Variants in NECTIN3 observed in about 807,000 individuals in gnomAD.
The protein encoded by NECTIN3 is nectin-3.
In NECTIN3, 8 loss-of-function variants were observed where a neutral mutation model predicts 49.4. That is an observed-to-expected ratio of 0.16 (90% CI 0.10 to 0.29). NECTIN3 has a LOEUF of 0.29. NECTIN3 is among the 10% of genes least tolerant of loss of function. NECTIN3 has a pLI of 1.00. For synonymous variants in NECTIN3, 277 were observed against 241.1 expected (o/e 1.15, Z -1.38); for missense variants, 581 against 654.6 (o/e 0.89, Z 1.23).
intron 1 of NECTIN3, among the ~76,000 whole-genome samples, chr3:111,083,557 C>T (rs1397410987): frequency 1.3e-5 from 2 of 152,162 alleles, no homozygotes; most frequent in Non-Finnish European, 2.9e-5. Flanking sequence ...AATGCTGGCA[C>T]CCTTGTCTCA....
At chr3:111,138,384 C>T (rs1248364968), downstream of NECTIN3, among the ~76,000 whole-genome samples, 1 of 151,468 alleles carries the variant, frequency 6.6e-6, no homozygotes, top group East Asian at 1.9e-4. Flanking sequence ...AGTAAACCAA[C>T]TTTCATCTGT....
At chr3:111,153,811 GT>G (rs892674353) in intron 7 of NECTIN3, among the ~76,000 whole-genome samples, 70 of 151,738 alleles carry the variant, frequency 4.6e-4, no homozygotes, top group African/African-American at 1.6e-3. Context: ...GTAGTGTTTA[GT>G]TTTTTTTCTT....
At chr3:111,169,247 G>A (rs958843754) in intron 7 of NECTIN3, among the ~76,000 whole-genome samples, 10 of 151,280 alleles carry the variant, frequency 6.6e-5, no homozygotes, top group African/African-American at 1.9e-4. Context: ...CTGCCACCAC[G>A]CCTGGCTAAT....
chr3:111,145,036 G>C, exon 6 of NECTIN3: 1 of 1,536,046 alleles, frequency 6.5e-7, no homozygotes, highest in Admixed American at 2.0e-5. Flanking sequence ...TCTTGACAAA[G>C]TGTAGGTAAC....
chr3:111,115,547 T>A (rs994607313), intron 2 of NECTIN3, among the ~76,000 whole-genome samples: 3 of 152,194 alleles, frequency 2.0e-5, no homozygotes, highest in Non-Finnish European at 4.4e-5. Flanking sequence ...TAGTCTGCAT[T>A]TTAGCAAGAT....
At chr3:111,142,270 A>G (rs1403351156), downstream of NECTIN3, among the ~76,000 whole-genome samples, 4 of 151,874 alleles carry the variant, frequency 2.6e-5, no homozygotes, top group Admixed American at 1.3e-4. Flanking sequence ...CATTTGACCT[A>G]CATAAAGTAG....
intron 7 of NECTIN3, among the ~76,000 whole-genome samples, chr3:111,174,178 C>A (rs2035482930): frequency 6.6e-6 from 1 of 152,152 alleles, no homozygotes; most frequent in South Asian, 2.1e-4. Flanking sequence ...TAACCTTTAC[C>A]TCTTCACAGC....
chr3:111,160,455 T>G (rs1388804369), intron 7 of NECTIN3, among the ~76,000 whole-genome samples: 2 of 152,200 alleles, frequency 1.3e-5, no homozygotes, highest in Admixed American at 1.3e-4. Context: ...ACCAAAGTGA[T>G]AAGACTCAAA....
upstream of NECTIN3, among the ~76,000 whole-genome samples, chr3:111,188,722 A>G (rs145947588): frequency 2.6e-4 from 40 of 152,338 alleles, no homozygotes; most frequent in East Asian, 7.7e-3. Flanking sequence ...TACTTATGAC[A>G]CTGCATTACT....
chr3:111,158,188 T>A (rs1315147202), intron 7 of NECTIN3, among the ~76,000 whole-genome samples: 3 of 152,098 alleles, frequency 2.0e-5, no homozygotes, highest in African/African-American at 4.8e-5. Context: ...TTGAATGATA[T>A]CTTTACAGTA....
In NECTIN3 at chr3:111,163,860, T is replaced by A. The variant is rs935961249; in HGVS notation, c.1221+16376T>A. ...TATTTGGAGAAAGAGGATTTCCTAA[T>A]TTTTATATATGGATAGATCAGATCT... On this transcript the variant is annotated intron_variant, in intron 7 of 8. Transcript: ENST00000493615. Among the ~76,000 whole-genome samples the A allele has an allele frequency of 3.3e-5, 5 of 152,066 alleles. No homozygotes were observed. The East Asian group carries it at 7.7e-4, about 23-fold the overall frequency.
At chr3:111,152,240 G>A (rs2035015041) in intron 7 of NECTIN3, among the ~76,000 whole-genome samples, 1 of 151,776 alleles carries the variant, frequency 6.6e-6, no homozygotes, top group Non-Finnish European at 1.5e-5. Context: ...ATAATCTGCA[G>A]GGTAAATTTT....
intron 3 of NECTIN3, among the ~76,000 whole-genome samples, chr3:111,120,556 TG>T (rs1333357683): frequency 6.6e-6 from 1 of 152,182 alleles, no homozygotes; most frequent in Non-Finnish European, 1.5e-5. Context: ...TGTTAATCTT[TG>T]TTTTTTTTTA....
chr3:111,184,405 A>G (rs1576186518), intron 7 of NECTIN3, among the ~76,000 whole-genome samples: 1 of 152,224 alleles, frequency 6.6e-6, no homozygotes, highest in East Asian at 1.9e-4. Flanking sequence ...TTATCTTTGG[A>G]GTGGGTTAGT....
chr3:111,151,855 G>T (rs2035006002), intron 7 of NECTIN3, among the ~76,000 whole-genome samples: 1 of 151,536 alleles, frequency 6.6e-6, no homozygotes, highest in African/African-American at 2.4e-5. Context: ...GTTTTCTAAG[G>T]TCTCATTCCT....
intron 1 of NECTIN3, among the ~76,000 whole-genome samples, chr3:111,100,333 G>T (rs1414810643): frequency 6.6e-6 from 1 of 152,112 alleles, no homozygotes; most frequent in East Asian, 1.9e-4. Context: ...AATTTGAAAT[G>T]CTCCAAAATT....
At chr3:111,119,364 G>C (rs932213342) in intron 3 of NECTIN3, among the ~76,000 whole-genome samples, 10 of 152,050 alleles carry the variant, frequency 6.6e-5, no homozygotes, top group Non-Finnish European at 1.2e-4. Flanking sequence ...CCGCCAGGCT[G>C]GACTGCCGCC....
chr3:111,165,356 A>G (rs1157734302), intron 7 of NECTIN3, among the ~76,000 whole-genome samples: 1 of 151,964 alleles, frequency 6.6e-6, no homozygotes, highest in African/African-American at 2.4e-5. Flanking sequence ...TTTTTTTTTA[A>G]AGCATTCTTT....
intron 1 of NECTIN3, among the ~76,000 whole-genome samples, chr3:111,081,502 G>T (rs1038030688): frequency 1.6e-4 from 24 of 152,022 alleles, no homozygotes; most frequent in African/African-American, 5.8e-4. Flanking sequence ...CTGTTAAATT[G>T]GCTAAATAAT....
Sources: gnomAD v4.1 joint callset for allele counts (sites outside exome capture counted in the v4.1 genomes callset) on GRCh38, gnomAD v4.1.1 for gene constraint, MANE v1.5 for transcripts, NCBI Gene and HGNC (gene_info 2026-07-23, HGNC 2026-07-21) for gene names.